PHF21A: variants seen among roughly 807,000 people sequenced by gnomAD.
The protein encoded by PHF21A is BHC80a.
Under a neutral mutation model 82.5 loss-of-function variants are expected in PHF21A, and 11 were observed. That is an observed-to-expected ratio of 0.13 (90% CI 0.08 to 0.22). The LOEUF is 0.22. Among genes scored for constraint, PHF21A ranks in the 10% least tolerant of loss-of-function variants. The probability of loss-of-function intolerance (pLI) is 1.00; values close to 1 mark genes in which losing one functional copy is unlikely to be tolerated. For synonymous variants in PHF21A, 297 were observed against 302.8 expected, an observed-to-expected ratio of 0.98 and a Z score of 0.20; for missense variants, 579 against 837.8, an observed-to-expected ratio of 0.69 and a Z score of 3.81.
rs756707290 is a variant in PHF21A, at chr11:45,934,184, C to A, written c.1830G>T (p.Lys610Asn). The A allele has an allele frequency of 1.9e-6, 3 of 1,614,008 alleles. No homozygotes were observed. The highest frequency in any genetic ancestry group is 3.3e-5 in the Admixed American group (2 of 60,020). ...EMKNTILARQ[K>N]EMHSSLEKVK... ...CCTTCTCCAGGGAGCTGTGCATCTCCTTCTGCCGGGCCAGGATGGTGTTCT... is the reference window on the plus strand; with the variant it reads ...CCTTCTCCAGGGAGCTGTGCATCTCATTCTGCCGGGCCAGGATGGTGTTCT... Residue 610 changes from lysine (K) to asparagine (N), a missense_variant, in exon 19 of 19, where the codon AAG (lysine) becomes AAT (asparagine). Physicochemically the swap from Lys to Asn is moderately conservative, Grantham distance 94. Transcript: ENST00000676320.
intron 6 of PHF21A, among the ~76,000 whole-genome samples, chr11:46,059,421 AT>A (rs923194821): frequency 1.1e-4 from 16 of 151,922 alleles, no homozygotes; most frequent in Non-Finnish European, 1.0e-4. Flanking sequence ...ACCAATCTCA[AT>A]TTTTTTTATT....
Position 45,971,905 on chromosome 11 carries a change from T to TTTTTTTTTTTTTTTTA in PHF21A, c.361-539_361-538insTAAAAAAAAAAAAAAA, listed in dbSNP as rs1452859819. Among the ~76,000 whole-genome samples, 134 of 89,922 alleles carry TTTTTTTTTTTTTTTTA rather than the reference T, an allele frequency of 1.5e-3. 27 individuals carry two copies. Among genetic ancestry groups the TTTTTTTTTTTTTTTTA allele is most frequent in the Non-Finnish European group, 2.2e-3 (101 of 45,192 alleles). The allele number at this position is 89,922 out of a possible 152,430, so 59.0% of individuals were successfully genotyped here. The stretch of plus-strand genomic sequence containing the variant: ...CTTTTTCTTTCTTTTTTTTTTTTTT[T>TTTTTTTTTTTTTTTTA]ATGGTGTCACCCTGGAGAGAAGGAA... On this transcript the variant is annotated intron_variant, in intron 7 of 18. Coordinates refer to ENST00000676320, the MANE Select transcript of PHF21A (RefSeq NM_001352027.3).
At chr11:46,076,846 A>T in intron 5 of PHF21A, 27 bp from the exon 6 acceptor site, 2 of 1,553,276 alleles carry the variant, frequency 1.3e-6, no homozygotes, top group Non-Finnish European at 1.8e-6. Context: ...AATATCTGTG[A>T]GAAAGATATT....
At chr11:46,037,500 G>C (rs1037246118) in intron 6 of PHF21A, among the ~76,000 whole-genome samples, 2 of 152,142 alleles carry the variant, frequency 1.3e-5, no homozygotes, top group African/African-American at 4.8e-5. Flanking sequence ...AATTAGCTGG[G>C]CATGATGGCG....
intron 6 of PHF21A, among the ~76,000 whole-genome samples, chr11:46,071,347 G>A (rs1276621867): frequency 6.6e-6 from 1 of 152,178 alleles, no homozygotes; most frequent in African/African-American, 2.4e-5. Context: ...TGAAAGGCAA[G>A]TTCAGCCAGC....
At chr11:46,106,488 T>G (rs1453084070) in intron 1 of PHF21A, among the ~76,000 whole-genome samples, 1 of 152,128 alleles carries the variant, frequency 6.6e-6, no homozygotes, top group Non-Finnish European at 1.5e-5. Context: ...TGCTCTGAGG[T>G]GTTGGGGGTT....
intron 6 of PHF21A, among the ~76,000 whole-genome samples, chr11:46,050,397 C>G (rs2096338307): frequency 6.6e-6 from 1 of 152,206 alleles, no homozygotes; most frequent in African/African-American, 2.4e-5. Context: ...GTTCTGCTGA[C>G]TGTGAGCATG....
At chr11:45,953,792 C>T (rs1185122855) in intron 10 of PHF21A, among the ~76,000 whole-genome samples, 167 bp from the exon 11 acceptor site, 2 of 152,076 alleles carry the variant, frequency 1.3e-5, no homozygotes, top group African/African-American at 4.8e-5. Context: ...GGAGGGGAAA[C>T]TAAAATGTAA....
chr11:46,089,633 A>G (rs2096900001), intron 3 of PHF21A, among the ~76,000 whole-genome samples: 1 of 152,040 alleles, frequency 6.6e-6, no homozygotes, highest in Non-Finnish European at 1.5e-5. Flanking sequence ...CTGGTGTGAC[A>G]GCTATTGACC....
chr11:45,995,061 T>C (rs1397504260), intron 6 of PHF21A, among the ~76,000 whole-genome samples: 29 of 152,100 alleles, frequency 1.9e-4, no homozygotes, highest in Non-Finnish European at 4.4e-5. Context: ...CGTCCTAGAG[T>C]CTACTCTGCT....
rs2096828324 is a variant in PHF21A at position 46,084,201 on chromosome 11, G to T, written c.19C>A (p.Gln7Lys). Reference protein sequence around the residue: MELQTLQEALKVEIQVH... With the variant: MELQTLKEALKVEIQVH... ...TGAATTTCCACTTTAAGAGCCTCCT[G>T]TAGAGTCTGCAACTCCATCCTCTAC... Residue 7 changes from glutamine to lysine, a missense_variant, in exon 4 of 19, where the codon CAG (glutamine) becomes AAG (lysine). Transcript: ENST00000676320. 1 of 1,601,516 alleles carries T rather than the reference G, an allele frequency of 6.2e-7. No individual in the cohort carries two copies. Among genetic ancestry groups the T allele is most frequent in the Non-Finnish European group, 8.5e-7 (1 of 1,176,148 alleles).
At chr11:45,976,154 C>T (rs2094011703) in intron 7 of PHF21A, among the ~76,000 whole-genome samples, 1 of 152,122 alleles carries the variant, frequency 6.6e-6, no homozygotes, top group African/African-American at 2.4e-5. Flanking sequence ...CCAGGGCATA[C>T]ATTTACTATT....
At chr11:46,003,645 GA>G (rs1240094986) in intron 6 of PHF21A, among the ~76,000 whole-genome samples, 2 of 152,078 alleles carry the variant, frequency 1.3e-5, no homozygotes, top group Non-Finnish European at 2.9e-5. Flanking sequence ...TTAAAAATAA[GA>G]ATGATATATT....
intron 6 of PHF21A, among the ~76,000 whole-genome samples, chr11:45,999,698 A>T (rs2095050171): frequency 6.6e-6 from 1 of 152,224 alleles, no homozygotes; most frequent in Admixed American, 6.5e-5. Flanking sequence ...AAAAACACAG[A>T]TTTGAAAGGA....
chr11:46,109,659 A>G (rs893872513), intron 1 of PHF21A, among the ~76,000 whole-genome samples: 1 of 152,204 alleles, frequency 6.6e-6, no homozygotes, highest in Admixed American at 6.5e-5. Context: ...GAACTACACC[A>G]TAAACACACA....
At chr11:46,113,612 G>A (rs1046928092) in intron 1 of PHF21A, among the ~76,000 whole-genome samples, 21 of 151,954 alleles carry the variant, frequency 1.4e-4, no homozygotes, top group African/African-American at 4.8e-4. Flanking sequence ...GGTGAATTAC[G>A]AGATCAAGAG....
chr11:45,980,172 T>C (rs1271424152), intron 6 of PHF21A, among the ~76,000 whole-genome samples: 1 of 152,186 alleles, frequency 6.6e-6, no homozygotes, highest in Non-Finnish European at 1.5e-5. Context: ...AAATGTTTTA[T>C]ATATAAAGGG....
intron 7 of PHF21A, among the ~76,000 whole-genome samples, chr11:45,978,668 G>A (rs920369297): frequency 6.6e-6 from 1 of 152,210 alleles, no homozygotes; most frequent in Admixed American, 6.5e-5. Context: ...AGTGTATTAA[G>A]TGTGAATGTA....
intron 6 of PHF21A, among the ~76,000 whole-genome samples, chr11:46,044,680 C>G (rs1310672925): frequency 6.6e-6 from 1 of 152,136 alleles, no homozygotes; most frequent in Non-Finnish European, 1.5e-5. Flanking sequence ...TCTAAGCAAA[C>G]AGGCCACAAT....
Sources: gnomAD v4.1 joint callset for allele counts (sites outside exome capture counted in the v4.1 genomes callset) on GRCh38, gnomAD v4.1.1 for gene constraint, MANE v1.5 for transcripts, NCBI Gene and HGNC (gene_info 2026-07-23, HGNC 2026-07-21) for gene names.